COL28A1: variants seen among roughly 807,000 people sequenced by gnomAD.
The protein encoded by COL28A1 is collagen alpha-1(XXVIII) chain.
In COL28A1, 161 loss-of-function variants were observed where a neutral mutation model predicts 150.2. That is an observed-to-expected ratio of 1.07 (90% CI 0.94 to 1.22). The LOEUF is 1.22. Ranked by LOEUF, COL28A1 falls within the 50% of genes most tolerant of loss-of-function variation. The pLI, the probability that COL28A1 is intolerant of heterozygous loss-of-function variation, is 0.00. For synonymous variants in COL28A1, 552 were observed against 469.7 expected, an observed-to-expected ratio of 1.18 and a Z score of -2.26; for missense variants, 1,617 against 1,388.3, an observed-to-expected ratio of 1.16 and a Z score of -2.62.
intron 4 of COL28A1, among the ~76,000 whole-genome samples, chr7:7,522,343 T>A (rs992969144): frequency 6.6e-6 from 1 of 152,204 alleles, no homozygotes; most frequent in Non-Finnish European, 1.5e-5. Flanking sequence ...CCTTCTCTTC[T>A]ATATAACACA....
At chr7:7,406,640 A>T (rs996299970) in intron 27 of COL28A1, among the ~76,000 whole-genome samples, 2 of 152,180 alleles carry the variant, frequency 1.3e-5, no homozygotes, top group African/African-American at 4.8e-5. Flanking sequence ...AGGACATAAT[A>T]TCGGAGCTAA....
chr7:7,500,195 T>G (rs1051199456), intron 11 of COL28A1, among the ~76,000 whole-genome samples: 5 of 152,226 alleles, frequency 3.3e-5, no homozygotes, highest in African/African-American at 1.2e-4. Flanking sequence ...AAATTATTCT[T>G]TTGAATCTTC....
chr7:7,425,614 T>G (rs975179473), intron 25 of COL28A1, among the ~76,000 whole-genome samples: 1 of 152,228 alleles, frequency 6.6e-6, no homozygotes, highest in African/African-American at 2.4e-5. Context: ...ATCTCTCTTC[T>G]TATCCATCCT....
intron 8 of COL28A1, among the ~76,000 whole-genome samples, chr7:7,515,225 T>C (rs965347135): frequency 6.6e-6 from 1 of 152,200 alleles, no homozygotes; most frequent in Non-Finnish European, 1.5e-5. Flanking sequence ...TGAGCCCCAG[T>C]ATGACTTGTT....
intron 23 of COL28A1, among the ~76,000 whole-genome samples, chr7:7,434,629 TCA>T (rs1362624432): frequency 6.6e-6 from 1 of 152,208 alleles, no homozygotes; most frequent in Non-Finnish European, 1.5e-5. Context: ...ATGCAAACAC[TCA>T]CAGTTTACAA....
downstream of COL28A1, chr7:7,357,678 A>G (rs1780406351): frequency 1.3e-5 from 2 of 150,690 alleles, no homozygotes; most frequent in African/African-American, 5.0e-5. Flanking sequence ...AAAAAAAAAG[A>G]AAGAAATATG....
intron 27 of COL28A1, among the ~76,000 whole-genome samples, chr7:7,396,392 C>T (rs1782838735): frequency 6.6e-6 from 1 of 152,142 alleles, no homozygotes; most frequent in Non-Finnish European, 1.5e-5. Flanking sequence ...GCTGGCAGTC[C>T]CTCCGAACAA....
intron 11 of COL28A1, among the ~76,000 whole-genome samples, chr7:7,503,222 T>G (rs1780631554): frequency 6.6e-6 from 1 of 152,254 alleles, no homozygotes; most frequent in Middle Eastern, 3.2e-3. Flanking sequence ...ATACTCAGTC[T>G]GTCCCTTACT....
rs563300306 is a variant in COL28A1 at position 7,372,392 on chromosome 7, C to T, written c.2908+606G>A. 2.4e-3 allele frequency among the ~76,000 whole-genome samples: 292 copies of T among 120,408 alleles called. 1 individual carries two copies. Among genetic ancestry groups the T allele is most frequent in the African/African-American group, 8.2e-3 (273 of 33,388 alleles). The allele number at this position is 120,408 out of a possible 152,430, so 79.0% of individuals were successfully genotyped here. ...CCAGCATGGTGACAGAGTGAGACTC[C>T]GTCTCAAAATAAATAAATAAATAAA... On this transcript the variant is annotated intron_variant, in intron 32 of 34. Coordinates refer to ENST00000399429, the MANE Select transcript of COL28A1 (RefSeq NM_001037763.3).
At chr7:7,496,554 T>C (rs531571216) in intron 11 of COL28A1, among the ~76,000 whole-genome samples, 23 of 152,314 alleles carry the variant, frequency 1.5e-4, no homozygotes, top group African/African-American at 5.5e-4. Context: ...AATTAATCTT[T>C]TTTTTTAGCT....
At chr7:7,423,889 T>C (rs1360260480) in intron 25 of COL28A1, among the ~76,000 whole-genome samples, 1 of 152,152 alleles carries the variant, frequency 6.6e-6, no homozygotes, top group East Asian at 1.9e-4. Context: ...CCAACTGCAG[T>C]AGGACAGCTG....
intron 27 of COL28A1, among the ~76,000 whole-genome samples, chr7:7,386,704 C>A (rs910210210): frequency 3.9e-4 from 59 of 152,158 alleles, no homozygotes; most frequent in African/African-American, 1.4e-3. Flanking sequence ...AGGGACTTTG[C>A]TGGTGCTCAA....
intron 13 of COL28A1, among the ~76,000 whole-genome samples, chr7:7,482,801 A>G (rs892643818): frequency 3.9e-5 from 6 of 152,326 alleles, no homozygotes; most frequent in Non-Finnish European, 8.8e-5. Flanking sequence ...TCCAAAGAAG[A>G]TAAGAGAAAT....
intron 27 of COL28A1, among the ~76,000 whole-genome samples, chr7:7,391,379 G>A (rs1782531850): frequency 6.6e-6 from 1 of 152,118 alleles, no homozygotes; most frequent in Admixed American, 6.6e-5. Flanking sequence ...CATTTGCTGA[G>A]GAGTGTTTTA....
chr7:7,523,099 G>A (rs924624783), intron 4 of COL28A1, among the ~76,000 whole-genome samples: 12 of 151,598 alleles, frequency 7.9e-5, no homozygotes, highest in Admixed American at 3.9e-4. Context: ...AAAATAAAAA[G>A]TGCAATTAAT....
intron 30 of COL28A1, among the ~76,000 whole-genome samples, chr7:7,378,902 G>A (rs1345272316): frequency 1.3e-5 from 2 of 152,204 alleles, no homozygotes; most frequent in Non-Finnish European, 1.5e-5. Flanking sequence ...CTGCATGGGG[G>A]TTTGGCCAGC....
intron 18 of COL28A1, among the ~76,000 whole-genome samples, chr7:7,445,877 TG>T (rs1463401863): frequency 3.3e-5 from 5 of 151,550 alleles, no homozygotes; most frequent in African/African-American, 4.8e-5. Flanking sequence ...TTTTTTTTTT[TG>T]AGATGGAGTT....
chr7:7,539,935 A>G (rs1192849754), upstream of COL28A1, among the ~76,000 whole-genome samples: 1 of 152,204 alleles, frequency 6.6e-6, no homozygotes, highest in East Asian at 1.9e-4. Flanking sequence ...CTCATAGGCT[A>G]CAGTGACAGG....
intron 15 of COL28A1, among the ~76,000 whole-genome samples, chr7:7,463,410 G>C (rs564389567): frequency 7.9e-4 from 121 of 152,252 alleles, no homozygotes; most frequent in Non-Finnish European, 1.3e-3. Context: ...ATAATGAACT[G>C]TTGAAATCTT....
Sources: gnomAD v4.1 joint callset for allele counts (sites outside exome capture counted in the v4.1 genomes callset) on GRCh38, gnomAD v4.1.1 for gene constraint, MANE v1.5 for transcripts, NCBI Gene and HGNC (gene_info 2026-07-23, HGNC 2026-07-21) for gene names.